The following CUL2 variants were observed in gnomAD, a reference collection of about 807,000 sequenced individuals.
The protein encoded by CUL2 is cullin 2, also known as cullin-2.
CUL2 carries 22 observed loss-of-function variants against 110.2 expected under a neutral mutation model. The observed-to-expected ratio is 0.20, with a 90% CI of 0.14 to 0.28. CUL2 has a LOEUF of 0.28. Ranked by LOEUF, CUL2 falls within the 10% of genes least tolerant of loss-of-function variation. CUL2 has a pLI of 1.00. For missense variants in CUL2, 631 were observed against 905.5 expected (o/e 0.70, Z 3.89); for synonymous variants, 279 against 293.2 (o/e 0.95, Z 0.49).
At chr10:35,039,182 TAAAC>T in intron 8 of CUL2, 100 bp from the exon 9 acceptor site, 1 of 631,226 alleles carries the variant, frequency 1.6e-6, no homozygotes. Context: ...ATGGCTGAAT[TAAAC>T]ATGGCAAAGG....
At chr10:35,077,512 T>A (rs1315585744) in intron 1 of CUL2, among the ~76,000 whole-genome samples, 1 of 150,498 alleles carries the variant, frequency 6.6e-6, no homozygotes, top group African/African-American at 2.4e-5. Context: ...ATAATAATAA[T>A]AAAATAAAAA....
intron 1 of CUL2, among the ~76,000 whole-genome samples, chr10:35,113,073 C>T (rs2087540655): frequency 6.7e-6 from 1 of 148,744 alleles, no homozygotes; most frequent in Non-Finnish European, 1.5e-5. Context: ...ATCTCAGCTA[C>T]TCTGGAGGTT....
intron 1 of CUL2, among the ~76,000 whole-genome samples, chr10:35,112,127 A>G (rs1040020550): frequency 6.6e-6 from 1 of 152,156 alleles, no homozygotes; most frequent in African/African-American, 2.4e-5. Flanking sequence ...AAGTAAATCA[A>G]ATTGCTTCTC....
At chr10:35,103,286 C>A (rs1050170042) in intron 1 of CUL2, among the ~76,000 whole-genome samples, 1 of 147,134 alleles carries the variant, frequency 6.8e-6, no homozygotes, top group African/African-American at 2.5e-5. Flanking sequence ...GGGACACAGG[C>A]GCCCGCCACC....
At chr10:35,060,806 A>T in intron 4 of CUL2, 68 bp downstream of exon 4, 1 of 1,269,492 alleles carries the variant, frequency 7.9e-7, no homozygotes, top group East Asian at 2.3e-5. Context: ...CAATAAAAAA[A>T]TTATCCTGTC....
At chr10:35,069,811 CCTT>C (rs1435784429) in intron 2 of CUL2, among the ~76,000 whole-genome samples, 10 of 152,164 alleles carry the variant, frequency 6.6e-5, no homozygotes, top group Admixed American at 5.2e-4. Flanking sequence ...CCTCTCTGCT[CCTT>C]GTTTTAGCTA....
At chr10:35,084,094 T>G (rs1202119726) in intron 1 of CUL2, among the ~76,000 whole-genome samples, 2 of 152,088 alleles carry the variant, frequency 1.3e-5, no homozygotes, top group Non-Finnish European at 2.9e-5. Flanking sequence ...CTGGTCAACA[T>G]GGCAAAACCC....
chr10:35,057,652 G>GAA (rs1231881473), intron 4 of CUL2, among the ~76,000 whole-genome samples: 3 of 84,610 alleles, frequency 3.5e-5, no homozygotes, highest in East Asian at 3.6e-4. Flanking sequence ...GACTCCGTCT[G>GAA]AAAAAAAAAA....
At position 35,008,706 on chromosome 10, in the gene CUL2, G is replaced by C. The variant is rs1209513889; in HGVS notation, c.*1605C>G. 2.6e-5 allele frequency: 4 copies of C among 152,126 alleles called. No homozygotes were observed. The highest frequency in any genetic ancestry group is 9.7e-5 in the African/African-American group (4 of 41,444). 9.4% of individuals were successfully genotyped at this position (152,126 alleles called of 1,614,324 possible). A position where few individuals can be genotyped will look rare whatever the true frequency, so the allele number is the denominator to read the frequency against. On this transcript the variant is annotated 3_prime_UTR_variant, in exon 21 of 21. Transcript: ENST00000374749. ...TATATAAGTCATTATAAGTTCAGTA[G>C]ATTTTTAAAACACTTGAGACACGAG...
chr10:35,032,147 C>G (rs2085495340), intron 12 of CUL2, among the ~76,000 whole-genome samples: 1 of 151,486 alleles, frequency 6.6e-6, no homozygotes, highest in Admixed American at 6.6e-5. Flanking sequence ...CAAACTTTAT[C>G]ATCAGATTTC....
At chr10:35,045,220 T>G (rs1307503687) in intron 6 of CUL2, among the ~76,000 whole-genome samples, 1 of 152,228 alleles carries the variant, frequency 6.6e-6, no homozygotes, top group East Asian at 1.9e-4. Flanking sequence ...ATGCTTGATT[T>G]TCACTCACTA....
Position 35,044,566 on chromosome 10 carries a change from C to T in CUL2, c.714G>A (p.Lys238=). Residue 238 remains lysine (K), a splice_region_variant and synonymous_variant, in exon 8 of 21, where the codon AAG becomes AAA. Transcript: ENST00000374749. ...QESNCSQYME[K]VLGRLKDEEI... ...GTATTCGATATGTTTTATTTCTTAC[C>T]TTTTCCATATACTGTGAGCAGTTTG... 2 of 1,561,990 alleles carry T rather than the reference C, an allele frequency of 1.3e-6. No homozygotes were observed. The highest frequency in any genetic ancestry group is 1.7e-6 in the Non-Finnish European group (2 of 1,144,752).
At chr10:35,044,320 A>G (rs2134802554) in intron 8 of CUL2, among the ~76,000 whole-genome samples, 1 of 152,310 alleles carries the variant, frequency 6.6e-6, no homozygotes. Context: ...AAGGACAAGT[A>G]AACCAAGCAG....
chr10:35,071,951 G>C (rs1033741112), intron 1 of CUL2, among the ~76,000 whole-genome samples: 2 of 152,180 alleles, frequency 1.3e-5, no homozygotes, highest in Admixed American at 6.5e-5. Context: ...GCGAGGGAAA[G>C]AAACGGGGAC....
chr10:35,016,051 A>G, intron 18 of CUL2, 141 bp downstream of exon 18: 1 of 675,178 alleles, frequency 1.5e-6, no homozygotes, highest in Non-Finnish European at 2.5e-6. Context: ...TCGCAGCTCT[A>G]TGGAGCGTAC....
At chr10:35,125,515 G>A (rs901857928) in intron 1 of CUL2, among the ~76,000 whole-genome samples, 5 of 152,204 alleles carry the variant, frequency 3.3e-5, no homozygotes, top group African/African-American at 1.2e-4. Flanking sequence ...GTTCAGATTG[G>A]ATTTAGATTA....
chr10:35,115,967 G>A (rs897484942), intron 1 of CUL2, among the ~76,000 whole-genome samples: 3 of 151,972 alleles, frequency 2.0e-5, no homozygotes, highest in South Asian at 2.1e-4. Context: ...ACTGAAACAG[G>A]GAAAGAGAAA....
In CUL2 at chr10:35,087,418, T is replaced by C. The variant is rs145513036; in HGVS notation, c.-23+2761A>G. Among the ~76,000 whole-genome samples the C allele has an allele frequency of 2.7e-3, 404 of 152,326 alleles. 3 individuals carry two copies. Among genetic ancestry groups the C allele is most frequent in the African/African-American group, 8.9e-3 (371 of 41,576 alleles). ...GAAGCCAGAAATTTTTTAACCACTA[T>C]ATCCACACATCTGGTTTAAAGCTGG... On this transcript the variant is annotated intron_variant, in intron 1 of 20. Transcript: ENST00000374749.
At chr10:35,014,086 A>G (rs530461013) in intron 18 of CUL2, among the ~76,000 whole-genome samples, 1 of 152,248 alleles carries the variant, frequency 6.6e-6, no homozygotes, top group Non-Finnish European at 1.5e-5. Flanking sequence ...ACTTTTTGAT[A>G]AAATAAGAGT....
Sources: allele counts gnomAD v4.1 joint callset (sites outside exome capture counted in the v4.1 genomes callset), GRCh38; gene constraint gnomAD v4.1.1; transcripts MANE v1.5; gene names NCBI Gene and HGNC (gene_info 2026-07-23, HGNC 2026-07-21).